PRKN: variants seen among roughly 807,000 people sequenced by gnomAD.
PRKN encodes E3 ubiquitin-protein ligase parkin.
PRKN carries 56 observed loss-of-function variants against 59.5 expected under a neutral mutation model. That is an observed-to-expected ratio of 0.94 (90% CI 0.76 to 1.18). PRKN has a LOEUF of 1.18. Ranked by LOEUF, PRKN falls within the 50% of genes most tolerant of loss-of-function variation. The probability of loss-of-function intolerance (pLI) is 0.00; values close to 1 mark genes in which losing one functional copy is unlikely to be tolerated. For missense variants in PRKN, 657 were observed against 596.4 expected (o/e 1.10, Z -1.06); for synonymous variants, 250 against 222.1 (o/e 1.13, Z -1.12).
chr6:162,721,767 T>C (rs1018595964), intron 1 of PRKN, among the ~76,000 whole-genome samples: 2 of 152,172 alleles, frequency 1.3e-5, no homozygotes, highest in African/African-American at 2.4e-5. Context: ...TACTAAAATG[T>C]TGGCTGACTC....
At chr6:162,338,142 G>T (rs1185488223) in intron 2 of PRKN, among the ~76,000 whole-genome samples, 1 of 152,124 alleles carries the variant, frequency 6.6e-6, no homozygotes, top group African/African-American at 2.4e-5. Context: ...TGACTTCAAG[G>T]TTCTTACCAT....
chr6:162,052,888 T>C (rs1201406102), intron 5 of PRKN, among the ~76,000 whole-genome samples: 1 of 152,132 alleles, frequency 6.6e-6, no homozygotes, highest in East Asian at 1.9e-4. Context: ...CATAGATGTA[T>C]ATATAATTAT....
intron 3 of PRKN, among the ~76,000 whole-genome samples, chr6:162,201,777 G>C (rs959044479): frequency 6.6e-6 from 1 of 152,112 alleles, no homozygotes; most frequent in African/African-American, 2.4e-5. Context: ...AATAAGAAAA[G>C]AGGCCAACGC....
At chr6:161,753,280 C>A (rs574104192) in intron 7 of PRKN, among the ~76,000 whole-genome samples, 1 of 151,964 alleles carries the variant, frequency 6.6e-6, no homozygotes, top group South Asian at 2.1e-4. Context: ...GGAGCCACCA[C>A]CGAGGGAGAA....
At chr6:161,569,749 T>C (rs372831765) in intron 7 of PRKN, among the ~76,000 whole-genome samples, 42 of 152,164 alleles carry the variant, frequency 2.8e-4, no homozygotes, top group Non-Finnish European at 5.3e-4. Context: ...TCCTCATATA[T>C]AGCCAGGATT....
chr6:162,522,401 G>A (rs1045229775), intron 1 of PRKN, among the ~76,000 whole-genome samples: 6 of 152,206 alleles, frequency 3.9e-5, no homozygotes, highest in African/African-American at 1.2e-4. Context: ...TGGGATTAGT[G>A]GCGTGAGCCA....
intron 5 of PRKN, among the ~76,000 whole-genome samples, chr6:161,984,637 G>C (rs1203370334): frequency 6.6e-6 from 1 of 152,104 alleles, no homozygotes; most frequent in African/African-American, 2.4e-5. Flanking sequence ...TGCAAAACAA[G>C]GATTTTCCTT....
Position 162,119,606 on chromosome 6 carries a change from G to A in PRKN, c.535-65432C>T, listed in dbSNP as rs148636281. ...AGCTCAAGTTCCCCAGCAGTGGCGC[G>A]CTGTCCCAGAAGCAGCTGTTTTTTC... On this transcript the variant is annotated intron_variant, in intron 4 of 11. Transcript: ENST00000366898. Among the ~76,000 whole-genome samples, 31 of 152,216 alleles carry A rather than the reference G, an allele frequency of 2.0e-4. No individual in the cohort carries two copies. The East Asian group carries it at 5.4e-3, about 27-fold the overall frequency.
chr6:161,611,362 G>T (rs909832247), intron 7 of PRKN, among the ~76,000 whole-genome samples: 1 of 152,174 alleles, frequency 6.6e-6, no homozygotes, highest in Admixed American at 6.5e-5. Context: ...CAGTTTTTAC[G>T]CATTGAAGGT....
chr6:162,258,291 C>T (rs1779738950), intron 3 of PRKN, among the ~76,000 whole-genome samples: 1 of 152,202 alleles, frequency 6.6e-6, no homozygotes, highest in African/African-American at 2.4e-5. Context: ...CATCCCAGTA[C>T]CTGGCACTGT....
chr6:161,876,940 T>C (rs6908423), intron 6 of PRKN, among the ~76,000 whole-genome samples: 2,894 of 152,248 alleles, frequency 0.019, 87 homozygotes, highest in African/African-American at 0.065. Context: ...TATTGAAATA[T>C]TTGATTTGCC....
intron 1 of PRKN, among the ~76,000 whole-genome samples, chr6:162,616,459 A>G (rs966184484): frequency 2.0e-5 from 3 of 152,186 alleles, no homozygotes; most frequent in African/African-American, 7.2e-5. Flanking sequence ...AATATTATTT[A>G]TAAAAAGAAT....
chr6:161,450,846 T>TGC (rs879423978), intron 9 of PRKN, among the ~76,000 whole-genome samples: 10,677 of 148,480 alleles, frequency 0.072, 476 homozygotes, highest in Middle Eastern at 0.16. Context: ...TGAGCCACCA[T>TGC]GCCCGGCTTG....
intron 6 of PRKN, among the ~76,000 whole-genome samples, chr6:161,958,783 G>A (rs1780274341): frequency 1.3e-5 from 2 of 151,952 alleles, no homozygotes; most frequent in South Asian, 4.1e-4. Context: ...GGGAGGCTGA[G>A]GCAGAAGAAT....
chr6:162,377,985 T>A (rs1786212356), intron 2 of PRKN, among the ~76,000 whole-genome samples: 1 of 152,190 alleles, frequency 6.6e-6, no homozygotes, highest in African/African-American at 2.4e-5. Context: ...TCCCAGTCTC[T>A]CCCAGCAGAG....
chr6:162,501,533 A>G (rs1266575580), intron 1 of PRKN, among the ~76,000 whole-genome samples: 2 of 99,654 alleles, frequency 2.0e-5, no homozygotes, highest in African/African-American at 3.7e-5. Flanking sequence ...TTTTTTTTTT[A>G]TTAGTAGAGA....
chr6:162,484,868 A>G (rs995190390), intron 1 of PRKN, among the ~76,000 whole-genome samples: 2 of 152,188 alleles, frequency 1.3e-5, no homozygotes, highest in African/African-American at 4.8e-5. Flanking sequence ...CTTACATTAA[A>G]TGGTTTTCTT....
intron 7 of PRKN, among the ~76,000 whole-genome samples, chr6:161,614,909 T>C (rs927751461): frequency 1.3e-5 from 2 of 151,692 alleles, no homozygotes; most frequent in African/African-American, 4.8e-5. Context: ...CCTCCTTCCA[T>C]CCCCCTTGGC....
chr6:161,581,463 A>G lies in PRKN; in HGVS notation c.872-12047T>C, dbSNP rs1781336833. 6.6e-6 allele frequency among the ~76,000 whole-genome samples: 1 copy of G among 152,186 alleles called. No individual in the cohort carries two copies. Among genetic ancestry groups the G allele is most frequent in the South Asian group, 2.1e-4 (1 of 4,836 alleles). On this transcript the variant is annotated intron_variant, in intron 7 of 11. Transcript: ENST00000366898. This position sits in a 1 kb window ranked among gnomAD's most constrained non-coding sequence, Gnocchi z 4.5. Reference sequence around the variant, plus strand: ...ATAAGCAAAAGGAGTTTTTTTGAGAAGTGTTGAGAGAGAAGAGGCCTGGAA... The same window carrying G: ...ATAAGCAAAAGGAGTTTTTTTGAGAGGTGTTGAGAGAGAAGAGGCCTGGAA...
Sources: gnomAD v4.1 joint callset for allele counts (sites outside exome capture counted in the v4.1 genomes callset) on GRCh38, gnomAD v4.1.1 for gene constraint, Gnocchi (gnomAD v3.1) non-coding constraint, MANE v1.5 for transcripts, NCBI Gene and HGNC (gene_info 2026-07-23, HGNC 2026-07-21) for gene names.